The following ANKS1B variants were observed in gnomAD, a reference collection of about 807,000 sequenced individuals.
The protein encoded by ANKS1B is ankyrin repeat and sterile alpha motif domain containing 1B.
Under a neutral mutation model 148.3 loss-of-function variants are expected in ANKS1B, and 36 were observed. The observed-to-expected ratio is 0.24, with a 90% confidence interval of 0.19 to 0.32. The LOEUF (loss-of-function observed/expected upper bound fraction) is 0.32. ANKS1B is among the 10% of genes least tolerant of loss of function. ANKS1B has a pLI of 1.00. For synonymous variants in ANKS1B, 542 were observed against 560.8 expected, an observed-to-expected ratio of 0.97 and a Z score of 0.47; for missense variants, 1,157 against 1,542.6, an observed-to-expected ratio of 0.75 and a Z score of 4.19.
chr12:99,564,894 T>A lies in ANKS1B; in HGVS notation c.1273-60253A>T, dbSNP rs1028025454. On this transcript the variant is annotated intron_variant, in intron 9 of 26. Transcript: ENST00000683438. Reference sequence around the variant, plus strand: ...GACCTGAATAAATATCATATTATTATAACAACCTTCTAGGTCAATTATGGG... The same window carrying A: ...GACCTGAATAAATATCATATTATTAAAACAACCTTCTAGGTCAATTATGGG... Among the ~76,000 whole-genome samples, 6 of 152,290 alleles carry A rather than the reference T, an allele frequency of 3.9e-5. No individual in the cohort carries two copies. The East Asian group carries it at 1.2e-3, about 29-fold the overall frequency.
In ANKS1B at chr12:99,688,880, T is replaced by A. The variant is rs1042651028; in HGVS notation, c.1129-33670A>T. ...TAATTACATGAGCAAGTGCTAAATT[T>A]AAAAAAAAAAAAAGAGAGAAAATGC... On this transcript the variant is annotated intron_variant, in intron 8 of 26. Transcript: ENST00000683438. 1.3e-3 allele frequency among the ~76,000 whole-genome samples: 182 copies of A among 143,322 alleles called. 2 individuals are homozygous for A. The highest frequency in any genetic ancestry group is 2.1e-4 in the Admixed American group (3 of 14,394). The allele number at this position is 143,322 out of a possible 152,430, so 94.0% of individuals were successfully genotyped here.
chr12:98,968,581 G>T (rs2099880592), intron 17 of ANKS1B, among the ~76,000 whole-genome samples: 1 of 152,190 alleles, frequency 6.6e-6, no homozygotes. Flanking sequence ...AACGCACATT[G>T]CTCACTTCCA....
chr12:99,123,924 T>C (rs531006421), intron 15 of ANKS1B, among the ~76,000 whole-genome samples: 7 of 152,074 alleles, frequency 4.6e-5, no homozygotes, highest in South Asian at 2.1e-4. Flanking sequence ...TTCAACCCAA[T>C]GAAGTTGACA....
chr12:98,767,991 T>C (rs897326306), intron 25 of ANKS1B, among the ~76,000 whole-genome samples: 18 of 152,186 alleles, frequency 1.2e-4, no homozygotes, highest in African/African-American at 4.3e-4. Context: ...GAGTCCATTT[T>C]TAACTCTCAC....
intron 17 of ANKS1B, among the ~76,000 whole-genome samples, chr12:98,834,989 C>T (rs2099353948): frequency 6.6e-6 from 1 of 152,112 alleles, no homozygotes; most frequent in African/African-American, 2.4e-5. Flanking sequence ...CCCATAAAAT[C>T]TTCACCGCCT....
intron 9 of ANKS1B, among the ~76,000 whole-genome samples, chr12:98,738,388 C>T (rs975901510): frequency 1.3e-5 from 2 of 152,018 alleles, no homozygotes; most frequent in East Asian, 1.9e-4. Flanking sequence ...AGAGGGTGGT[C>T]GAGGCCTGAG....
chr12:98,973,587 C>T (rs1297486497), intron 17 of ANKS1B, among the ~76,000 whole-genome samples: 1 of 152,210 alleles, frequency 6.6e-6, no homozygotes, highest in Non-Finnish European at 1.5e-5. Flanking sequence ...CTCCATCCCT[C>T]CAGGGATGTG....
chr12:99,086,082 C>T (rs990262233), intron 15 of ANKS1B, among the ~76,000 whole-genome samples: 1 of 152,136 alleles, frequency 6.6e-6, no homozygotes, highest in East Asian at 1.9e-4. Context: ...GAATATGATG[C>T]AGGGCCCTAC....
chr12:99,675,855 T>C (rs1170332128), intron 8 of ANKS1B, among the ~76,000 whole-genome samples: 1 of 152,158 alleles, frequency 6.6e-6, no homozygotes, highest in African/African-American at 2.4e-5. Flanking sequence ...TTTCATAAAA[T>C]GTTATTGGCA....
chr12:98,947,929 CACTT>C (rs1436813549), intron 17 of ANKS1B, among the ~76,000 whole-genome samples: 1 of 152,138 alleles, frequency 6.6e-6, no homozygotes, highest in African/African-American at 2.4e-5. Flanking sequence ...TACTGACTGT[CACTT>C]ACCAACCGGT....
intron 12 of ANKS1B, among the ~76,000 whole-genome samples, chr12:99,368,582 CAGTA>C (rs966415411): frequency 2.8e-4 from 42 of 151,888 alleles, no homozygotes; most frequent in South Asian, 1.9e-3. Context: ...CCTTCATATG[CAGTA>C]AGTATTATAT....
At chr12:99,229,692 T>C (rs1467864605) in intron 14 of ANKS1B, among the ~76,000 whole-genome samples, 1 of 151,948 alleles carries the variant, frequency 6.6e-6, no homozygotes, top group Non-Finnish European at 1.5e-5. Context: ...CTATGACTTA[T>C]AAAAATCTAC....
chr12:99,813,577 A>C (rs534121915), intron 2 of ANKS1B, among the ~76,000 whole-genome samples: 1 of 151,572 alleles, frequency 6.6e-6, no homozygotes, highest in African/African-American at 2.4e-5. Context: ...TCACAAGAAA[A>C]ACAGATATGA....
chr12:99,096,679 C>T (rs2056259140), intron 15 of ANKS1B, among the ~76,000 whole-genome samples: 1 of 152,180 alleles, frequency 6.6e-6, no homozygotes, highest in Admixed American at 6.5e-5. Context: ...GCATCTATAT[C>T]ATGAAGGATA....
At chr12:99,465,316 C>T (rs930895933) in intron 10 of ANKS1B, among the ~76,000 whole-genome samples, 7 of 151,494 alleles carry the variant, frequency 4.6e-5, no homozygotes, top group Non-Finnish European at 1.0e-4. Context: ...AAGGAACAAC[C>T]AGTACCAGCC....
intron 15 of ANKS1B, among the ~76,000 whole-genome samples, chr12:99,146,248 G>C (rs1270946458): frequency 2.6e-5 from 4 of 152,108 alleles, no homozygotes; most frequent in Non-Finnish European, 5.9e-5. Context: ...TCTGTTAGGG[G>C]GATGGGGAAG....
chr12:99,375,393 C>G (rs2093350400), intron 12 of ANKS1B, among the ~76,000 whole-genome samples: 1 of 152,190 alleles, frequency 6.6e-6, no homozygotes, highest in African/African-American at 2.4e-5. Context: ...GAGCTCACCT[C>G]TCAGGTCTGT....
chr12:99,761,065 C>CAAAAAAAA (rs60542272), intron 8 of ANKS1B, among the ~76,000 whole-genome samples: 2 of 98,708 alleles, frequency 2.0e-5, no homozygotes, highest in African/African-American at 3.9e-5. Flanking sequence ...GCCTAACAAC[C>CAAAAAAAA]AAAAAAAAAA....
In ANKS1B at chr12:99,680,453, A is replaced by C. The variant is rs147901864; in HGVS notation, c.1129-25243T>G. On this transcript the variant is annotated intron_variant, in intron 8 of 26. Coordinates refer to ENST00000683438, the MANE Select transcript of ANKS1B (RefSeq NM_001352186.2). ...TCTGTCAAAAAAAAAAAGGAAGAAG[A>C]AGCAGCAGCAGGAAGAGCCCTGTAG... is the stretch of plus-strand genomic sequence containing the variant. Among the ~76,000 whole-genome samples, 254 of 151,420 alleles carry C rather than the reference A, an allele frequency of 1.7e-3. 4 individuals are homozygous for C. The East Asian group carries it at 0.018, about 11-fold the overall frequency.
Sources: allele counts gnomAD v4.1 joint callset (sites outside exome capture counted in the v4.1 genomes callset), GRCh38; gene constraint gnomAD v4.1.1; transcripts MANE v1.5; gene names NCBI Gene and HGNC (gene_info 2026-07-23, HGNC 2026-07-21).